Variants in CCSER1 observed in about 807,000 individuals in gnomAD.
CCSER1 encodes the protein coiled-coil serine rich protein 1, also known as serine-rich coiled-coil domain-containing protein 1.
A neutral mutation model predicts 82.0 loss-of-function variants in CCSER1; 41 were observed. The ratio of observed to expected loss-of-function variants is 0.50; its 90% CI spans 0.39 to 0.65. CCSER1 has a LOEUF of 0.65. CCSER1 is among the 30% of genes least tolerant of loss of function. CCSER1 has a pLI of 0.00. For synonymous variants in CCSER1, 414 were observed against 383.9 expected, an observed-to-expected ratio of 1.08 and a Z score of -0.92; for missense variants, 1,119 against 1,064.2, an observed-to-expected ratio of 1.05 and a Z score of -0.72.
intron 1 of CCSER1, among the ~76,000 whole-genome samples, chr4:90,150,116 A>G (rs529432236): frequency 2.0e-5 from 3 of 152,284 alleles, no homozygotes; most frequent in African/African-American, 4.8e-5. Context: ...TATTCGTGCA[A>G]TGAAAAACCC....
chr4:90,578,975 T>A (rs1828421), intron 5 of CCSER1, among the ~76,000 whole-genome samples: 6,416 of 82,932 alleles, frequency 0.077, 343 homozygotes, highest in African/African-American at 0.31. Flanking sequence ...AATCTACATA[T>A]TTTTAGTGCT....
chr4:90,728,083 G>A (rs1744003340), intron 7 of CCSER1, among the ~76,000 whole-genome samples: 1 of 151,988 alleles, frequency 6.6e-6, no homozygotes, highest in African/African-American at 2.4e-5. Flanking sequence ...GCATTTCTTG[G>A]CCCATTGACT....
chr4:90,243,342 G>A (rs1469998445), intron 1 of CCSER1, among the ~76,000 whole-genome samples: 1 of 151,800 alleles, frequency 6.6e-6, no homozygotes, highest in African/African-American at 2.4e-5. Context: ...TCCGTCTCCC[G>A]GGTTCAAGCA....
intron 10 of CCSER1, among the ~76,000 whole-genome samples, chr4:91,558,819 G>A (rs999943351): frequency 6.6e-6 from 1 of 151,564 alleles, no homozygotes; most frequent in Non-Finnish European, 1.5e-5. Context: ...CAACACATGA[G>A]AATTCTGGGA....
intron 6 of CCSER1, among the ~76,000 whole-genome samples, chr4:90,696,825 T>C (rs1737072452): frequency 6.6e-6 from 1 of 152,122 alleles, no homozygotes; most frequent in Admixed American, 6.6e-5. Context: ...TAAGGTCACA[T>C]AATTAGATAC....
rs1310425221 is a variant in CCSER1, at chr4:90,308,307, G to C, written c.23G>C (p.Arg8Pro). Residue 8 changes from arginine (R) to proline (P), a missense_variant, in exon 2 of 11, where the codon CGA becomes CCA. Arg to Pro is a moderately radical substitution (Grantham distance 103). Transcript: ENST00000509176. ...CCAATGGGGGACTCAGGATCAAGAC[G>C]ATCTACCCTGGTCTCCCGGTTGCCA... Reference protein sequence around the residue: MGDSGSRRSTLVSRLPIF... With the variant: MGDSGSRPSTLVSRLPIF... 3 of 1,591,528 alleles carry C rather than the reference G, an allele frequency of 1.9e-6. No homozygotes were observed. Among genetic ancestry groups the C allele is most frequent in the Non-Finnish European group, 2.6e-6 (3 of 1,168,490 alleles).
chr4:91,132,680 C>A (rs144869687), intron 10 of CCSER1, among the ~76,000 whole-genome samples: 1 of 152,228 alleles, frequency 6.6e-6, no homozygotes, highest in African/African-American at 2.4e-5. Flanking sequence ...CTTGGGTTAA[C>A]TACTAGATTT....
chr4:90,267,782 G>A (rs1360770999), intron 1 of CCSER1, among the ~76,000 whole-genome samples: 1 of 152,278 alleles, frequency 6.6e-6, no homozygotes, highest in African/African-American at 2.4e-5. Flanking sequence ...CTGGGCTTGG[G>A]TACCCCCTAA....
chr4:91,153,408 G>T (rs778831139), intron 10 of CCSER1, among the ~76,000 whole-genome samples: 1 of 151,806 alleles, frequency 6.6e-6, no homozygotes, highest in African/African-American at 2.4e-5. Context: ...GTTAGCCATC[G>T]TCTAATCTTT....
At chr4:91,209,702 C>T (rs1474713769) in intron 10 of CCSER1, among the ~76,000 whole-genome samples, 1 of 151,598 alleles carries the variant, frequency 6.6e-6, no homozygotes, top group Non-Finnish European at 1.5e-5. Context: ...CCCATAACTT[C>T]GTATCAGGAT....
chr4:91,155,744 G>T (rs1043542571), intron 10 of CCSER1, among the ~76,000 whole-genome samples: 5 of 151,740 alleles, frequency 3.3e-5, no homozygotes, highest in Non-Finnish European at 5.9e-5. Flanking sequence ...CAAAAAAATT[G>T]TAAGATAGAA....
chr4:90,145,618 A>G (rs1449126992), intron 1 of CCSER1, among the ~76,000 whole-genome samples: 1 of 152,114 alleles, frequency 6.6e-6, no homozygotes, highest in African/African-American at 2.4e-5. Flanking sequence ...CTGTGAGGGA[A>G]TATGATCTTT....
chr4:91,582,490 T>G (rs951118368), intron 10 of CCSER1, among the ~76,000 whole-genome samples: 2 of 151,568 alleles, frequency 1.3e-5, no homozygotes, highest in African/African-American at 2.4e-5. Context: ...TTACTATTGC[T>G]CAAATTTGTA....
chr4:90,411,418 A>G (rs574637635), intron 4 of CCSER1, among the ~76,000 whole-genome samples: 2 of 152,336 alleles, frequency 1.3e-5, no homozygotes, highest in South Asian at 4.1e-4. Context: ...TCAAAATCTT[A>G]TCCACCACGA....
intron 10 of CCSER1, among the ~76,000 whole-genome samples, chr4:91,271,450 A>C (rs1037773268): frequency 2.0e-5 from 3 of 151,972 alleles, no homozygotes; most frequent in African/African-American, 7.3e-5. Context: ...CCTGAGGTCC[A>C]TTGTGTCATT....
intron 5 of CCSER1, among the ~76,000 whole-genome samples, chr4:90,599,136 C>A (rs1783735555): frequency 1.3e-5 from 2 of 152,036 alleles, no homozygotes; most frequent in South Asian, 4.1e-4. Context: ...ACTGCAGGAT[C>A]CTCCAGTAGC....
At chr4:91,149,726 A>C (rs557103452) in intron 10 of CCSER1, among the ~76,000 whole-genome samples, 1 of 152,060 alleles carries the variant, frequency 6.6e-6, no homozygotes, top group African/African-American at 2.4e-5. Flanking sequence ...CAGCTTTTTA[A>C]AAATAGGGAA....
chr4:91,139,991 T>C (rs557280573), intron 10 of CCSER1, among the ~76,000 whole-genome samples: 2 of 152,276 alleles, frequency 1.3e-5, no homozygotes, highest in Admixed American at 6.5e-5. Context: ...TAAATATTTC[T>C]TGTTTAATTT....
At chr4:90,322,871 C>A (rs962306643) in intron 3 of CCSER1, among the ~76,000 whole-genome samples, 1 of 152,040 alleles carries the variant, frequency 6.6e-6, no homozygotes, top group Admixed American at 6.6e-5. Context: ...CTGGGTCATG[C>A]CTGAAGCCAG....
Sources: gnomAD v4.1 joint callset for allele counts (sites outside exome capture counted in the v4.1 genomes callset) on GRCh38, gnomAD v4.1.1 for gene constraint, MANE v1.5 for transcripts, NCBI Gene and HGNC (gene_info 2026-07-23, HGNC 2026-07-21) for gene names.